Variants in AP3B1 observed in about 807,000 individuals in gnomAD.
AP3B1 encodes the protein adaptor related protein complex 3 subunit beta 1.
Under a neutral mutation model 132.5 loss-of-function variants are expected in AP3B1, and 61 were observed. The ratio of observed to expected loss-of-function variants is 0.46; its 90% CI spans 0.37 to 0.57. The LOEUF (loss-of-function observed/expected upper bound fraction) is 0.57, where lower values mean the gene tolerates loss of function less well. AP3B1 is among the 20% of genes least tolerant of loss of function. The pLI is 0.00. For synonymous variants in AP3B1, 388 were observed against 438.3 expected (o/e 0.89, Z 1.43); for missense variants, 1,120 against 1,289.4 (o/e 0.87, Z 2.01).
chr5:78,014,056 G>C (rs1032697480), intron 26 of AP3B1, among the ~76,000 whole-genome samples: 1 of 152,102 alleles, frequency 6.6e-6, no homozygotes, highest in African/African-American at 2.4e-5. Flanking sequence ...CCAGCCACTC[G>C]GGAGGCTGAG....
At chr5:78,096,419 T>C (rs1750787299) in intron 21 of AP3B1, among the ~76,000 whole-genome samples, 2 of 152,120 alleles carry the variant, frequency 1.3e-5, no homozygotes. Flanking sequence ...GTGCAGCCTC[T>C]GCCCGGCCGC....
At chr5:78,232,542 A>T (rs1561491485) in intron 3 of AP3B1, among the ~76,000 whole-genome samples, 1 of 152,334 alleles carries the variant, frequency 6.6e-6, no homozygotes, top group East Asian at 1.9e-4. Flanking sequence ...CAATAATATC[A>T]GCAATCTCTA....
intron 7 of AP3B1, among the ~76,000 whole-genome samples, chr5:78,201,923 G>T (rs1402400007): frequency 6.6e-6 from 1 of 152,124 alleles, no homozygotes; most frequent in Non-Finnish European, 1.5e-5. Flanking sequence ...TGCAAAAGCA[G>T]TCCTATATAA....
chr5:78,135,603 G>C (rs1752879138), intron 15 of AP3B1, among the ~76,000 whole-genome samples: 1 of 152,066 alleles, frequency 6.6e-6, no homozygotes, highest in African/African-American at 2.4e-5. Context: ...CCTAGTGGTA[G>C]ATATACACAT....
At chr5:78,261,895 G>A (rs199562128) in intron 2 of AP3B1, among the ~76,000 whole-genome samples, 2 of 152,140 alleles carry the variant, frequency 1.3e-5, no homozygotes, top group East Asian at 3.9e-4. Context: ...GGGATTACAG[G>A]CACCCACCAC....
Position 78,003,970 on chromosome 5 carries a change from C to G in AP3B1, c.3132-915G>C, listed in dbSNP as rs368851062. 1.1e-4 allele frequency among the ~76,000 whole-genome samples: 16 copies of G among 152,266 alleles called. No individual in the cohort carries two copies. The East Asian group carries it at 2.9e-3, about 28-fold the overall frequency. On this transcript the variant is annotated intron_variant, in intron 26 of 26. Coordinates refer to ENST00000255194, the MANE Select transcript of AP3B1 (RefSeq NM_003664.5). ...CTCCCTTTTCCACATGAAGCATGTTCCACACACTTTTTGGGGGAGGGGGTT... is the reference window on the plus strand; with the variant it reads ...CTCCCTTTTCCACATGAAGCATGTTGCACACACTTTTTGGGGGAGGGGGTT...
Position 78,175,529 on chromosome 5 carries a change from G to A in AP3B1, c.1167+97C>T, listed in dbSNP as rs114675724. ...ACCATTAACTTTATCAATGTGTTTTGAAAAGCAGGACTGCATCCCACAGGT... is the reference window on the plus strand; with the variant it reads ...ACCATTAACTTTATCAATGTGTTTTAAAAAGCAGGACTGCATCCCACAGGT... On this transcript the variant is annotated intron_variant, in intron 11 of 26. Transcript: ENST00000255194. 773 of 872,530 alleles carry A rather than the reference G, an allele frequency of 8.9e-4. 3 individuals are homozygous for A. The African/African-American group carries it at 0.012, about 14-fold the overall frequency. The allele number at this position is 872,530 out of a possible 1,614,324, so 54.0% of individuals were successfully genotyped here. A position where few individuals can be genotyped will look rare whatever the true frequency, so the allele number is the denominator to read the frequency against.
intron 7 of AP3B1, among the ~76,000 whole-genome samples, chr5:78,190,651 T>C (rs74506147): frequency 0.021 from 3,197 of 152,298 alleles, 133 homozygotes; most frequent in African/African-American, 0.07. Context: ...CTTGATTTTT[T>C]TCCTTGTCTT....
chr5:78,193,740 T>TATA (rs1561469382), intron 7 of AP3B1, among the ~76,000 whole-genome samples: 3 of 41,732 alleles, frequency 7.2e-5, no homozygotes, highest in African/African-American at 2.3e-4. Context: ...TTGTATATAT[T>TATA]TTTTTATATA....
chr5:78,245,206 A>C (rs553314030), intron 2 of AP3B1, among the ~76,000 whole-genome samples: 20 of 152,314 alleles, frequency 1.3e-4, no homozygotes, highest in African/African-American at 3.6e-4. Context: ...CTTAGATCTG[A>C]GAAGCAGACG....
intron 24 of AP3B1, among the ~76,000 whole-genome samples, chr5:78,029,386 T>TACAC (rs58115394): frequency 4.0e-5 from 6 of 150,914 alleles, no homozygotes; most frequent in African/African-American, 1.2e-4. Context: ...GATAAATGCA[T>TACAC]ACACACACAC....
At chr5:78,169,737 A>G (rs1214306116) in intron 11 of AP3B1, among the ~76,000 whole-genome samples, 3 of 140,118 alleles carry the variant, frequency 2.1e-5, no homozygotes, top group South Asian at 4.2e-4. Flanking sequence ...CCTGAAGTTT[A>G]TTTATTTATT....
At chr5:78,150,899 T>C (rs1404998346) in intron 14 of AP3B1, among the ~76,000 whole-genome samples, 4 of 152,008 alleles carry the variant, frequency 2.6e-5, no homozygotes, top group Admixed American at 2.0e-4. Context: ...CAGGTAAACA[T>C]ATAATTTTAT....
intron 2 of AP3B1, among the ~76,000 whole-genome samples, chr5:78,263,925 G>A (rs1478171649): frequency 5.3e-5 from 8 of 152,052 alleles, no homozygotes; most frequent in Non-Finnish European, 8.8e-5. Context: ...GTTTAGATAC[G>A]TTTAGATACA....
At chr5:78,180,873 T>A (rs185819669) in intron 8 of AP3B1, among the ~76,000 whole-genome samples, 1 of 152,126 alleles carries the variant, frequency 6.6e-6, no homozygotes, top group East Asian at 1.9e-4. Context: ...TAATTTCTAA[T>A]TTTGTATTGT....
intron 7 of AP3B1, among the ~76,000 whole-genome samples, chr5:78,193,745 TATA>T (rs1476702243): frequency 0.022 from 529 of 24,444 alleles, 17 homozygotes; most frequent in Middle Eastern, 0.1. Flanking sequence ...TATATTTTTT[TATA>T]TATATATATA....
intron 8 of AP3B1, 112 bp from the exon 9 acceptor site, chr5:78,177,548 A>C (rs144075033): frequency 7.4e-4 from 606 of 823,336 alleles, no homozygotes; most frequent in Middle Eastern, 3.8e-3. Flanking sequence ...CCTGTGACGT[A>C]AAATGGAATG....
chr5:78,093,798 T>C (rs552329668), intron 21 of AP3B1, among the ~76,000 whole-genome samples: 7 of 152,338 alleles, frequency 4.6e-5, no homozygotes, highest in African/African-American at 1.7e-4. Flanking sequence ...ATTTCATCCT[T>C]TGAGAATTAA....
intron 17 of AP3B1, among the ~76,000 whole-genome samples, chr5:78,125,289 G>T (rs1752409975): frequency 6.6e-6 from 1 of 152,004 alleles, no homozygotes; most frequent in African/African-American, 2.4e-5. Context: ...AGAAATGGTG[G>T]TGTGTAATTC....
Sources: allele counts gnomAD v4.1 joint callset (sites outside exome capture counted in the v4.1 genomes callset), GRCh38; gene constraint gnomAD v4.1.1; transcripts MANE v1.5; gene names NCBI Gene and HGNC (gene_info 2026-07-23, HGNC 2026-07-21).